PLCL1: variants seen among roughly 807,000 people sequenced by gnomAD.
The protein encoded by PLCL1 is phospholipase C like 1 (inactive).
In PLCL1, 41 loss-of-function variants were observed where a neutral mutation model predicts 84.4. The ratio of observed to expected loss-of-function variants is 0.49; its 90% CI spans 0.38 to 0.63. The LOEUF (loss-of-function observed/expected upper bound fraction) is 0.63, where lower values mean the gene tolerates loss of function less well. Among genes scored for constraint, PLCL1 ranks in the 30% least tolerant of loss-of-function variants. PLCL1 has a pLI of 0.00. For missense variants in PLCL1, 1,206 were observed against 1,367.8 expected (o/e 0.88, Z 1.87); for synonymous variants, 490 against 488.3 (o/e 1.00, Z -0.05).
intron 5 of PLCL1, among the ~76,000 whole-genome samples, chr2:198,130,766 C>CA (rs1419218738): frequency 6.6e-6 from 1 of 152,128 alleles, no homozygotes; most frequent in East Asian, 1.9e-4. Context: ...ACCGTTGGGT[C>CA]AACCTCCTTA....
intron 1 of PLCL1, among the ~76,000 whole-genome samples, chr2:197,979,489 C>G (rs1049117609): frequency 2.0e-5 from 3 of 152,172 alleles, no homozygotes; most frequent in African/African-American, 7.2e-5. Context: ...GGATTTCTGA[C>G]CCTCACCACC....
chr2:197,972,648 G>C (rs767013107), intron 1 of PLCL1, among the ~76,000 whole-genome samples: 1 of 151,842 alleles, frequency 6.6e-6, no homozygotes, highest in Non-Finnish European at 1.5e-5. Context: ...ACATTTTCTG[G>C]GTCCATTTTT....
At chr2:198,018,587 C>T (rs1691056953) in intron 1 of PLCL1, among the ~76,000 whole-genome samples, 1 of 152,158 alleles carries the variant, frequency 6.6e-6, no homozygotes, top group African/African-American at 2.4e-5. Context: ...AGGCAGTTTT[C>T]CCCTCACAGT....
intron 1 of PLCL1, among the ~76,000 whole-genome samples, chr2:197,835,442 C>A (rs1468344034): frequency 6.6e-6 from 1 of 152,124 alleles, no homozygotes; most frequent in East Asian, 1.9e-4. Context: ...CCAAACTGAC[C>A]CTGCCAATTA....
intron 1 of PLCL1, among the ~76,000 whole-genome samples, chr2:197,849,072 A>G (rs763902565): frequency 4.6e-5 from 7 of 152,050 alleles, no homozygotes; most frequent in Non-Finnish European, 1.0e-4. Context: ...TCTGTTCCCA[A>G]GGCTACAGTC....
intron 1 of PLCL1, among the ~76,000 whole-genome samples, chr2:198,029,717 T>A (rs1553512630): frequency 2.2e-5 from 3 of 136,870 alleles, no homozygotes; most frequent in Admixed American, 1.5e-4. Flanking sequence ...TCTCTTCTCT[T>A]TTTTTTTGAG....
chr2:197,864,357 T>G (rs1451219129), intron 1 of PLCL1, among the ~76,000 whole-genome samples: 1 of 152,048 alleles, frequency 6.6e-6, no homozygotes, highest in African/African-American at 2.4e-5. Flanking sequence ...TTCTTTTTTT[T>G]TTTTTTGTTT....
chr2:197,999,514 T>C (rs909690916), intron 1 of PLCL1, among the ~76,000 whole-genome samples: 1 of 152,222 alleles, frequency 6.6e-6, no homozygotes, highest in African/African-American at 2.4e-5. Flanking sequence ...GCTTGTTTAG[T>C]GATATTCATA....
chr2:198,117,120 C>T (rs1693764256), intron 5 of PLCL1, among the ~76,000 whole-genome samples: 2 of 151,776 alleles, frequency 1.3e-5, no homozygotes, highest in South Asian at 2.1e-4. Context: ...GGGAATTTTC[C>T]TTTTCTTGGG....
rs533561237 is a variant in PLCL1, at chr2:198,149,183, A to G, written c.*2221A>G. 6.6e-6 allele frequency: 1 copy of G among 151,036 alleles called. No individual in the cohort carries two copies. The highest frequency in any genetic ancestry group is 6.6e-5 in the Admixed American group (1 of 15,188). 9.4% of individuals were successfully genotyped at this position (151,036 alleles called of 1,614,324 possible). ...CCAGATAGAATAGCAAAAACAAACA[A>G]TTTTTTTTTGTGTATTATGCCTCCA... On this transcript the variant is annotated 3_prime_UTR_variant, in exon 6 of 6. Coordinates refer to ENST00000428675, the MANE Select transcript of PLCL1 (RefSeq NM_006226.4).
chr2:197,834,314 A>C (rs1402142795), intron 1 of PLCL1, among the ~76,000 whole-genome samples: 1 of 152,224 alleles, frequency 6.6e-6, no homozygotes, highest in East Asian at 1.9e-4. Flanking sequence ...GATCTAATTA[A>C]ACTAAAGAGC....
intron 1 of PLCL1, among the ~76,000 whole-genome samples, chr2:197,849,152 G>T (rs1389031341): frequency 6.6e-6 from 1 of 152,156 alleles, no homozygotes; most frequent in Non-Finnish European, 1.5e-5. Context: ...TCCCTGGGTG[G>T]ATGGTAGCAG....
intron 5 of PLCL1, among the ~76,000 whole-genome samples, chr2:198,134,540 C>A (rs1012616143): frequency 3.9e-5 from 6 of 152,148 alleles, no homozygotes; most frequent in Non-Finnish European, 1.5e-5. Flanking sequence ...GAACTCATGC[C>A]AGCATAGAAG....
intron 1 of PLCL1, among the ~76,000 whole-genome samples, chr2:198,040,068 G>A (rs1378478141): frequency 6.6e-6 from 1 of 152,130 alleles, no homozygotes; most frequent in African/African-American, 2.4e-5. Context: ...TCTTAAATAC[G>A]ACTTGATACC....
At chr2:197,907,235 T>C (rs1466925573) in intron 1 of PLCL1, among the ~76,000 whole-genome samples, 1 of 151,456 alleles carries the variant, frequency 6.6e-6, no homozygotes, top group Non-Finnish European at 1.5e-5. Context: ...ATAGTCTTTT[T>C]TCTTTTTCTT....
At chr2:197,868,747 T>A (rs187880927) in intron 1 of PLCL1, among the ~76,000 whole-genome samples, 6 of 151,222 alleles carry the variant, frequency 4.0e-5, no homozygotes, top group African/African-American at 1.5e-4. Context: ...AACTCCTAGA[T>A]TCAAGTGATC....
chr2:198,049,116 A>G (rs1216344960), intron 1 of PLCL1, among the ~76,000 whole-genome samples: 3 of 152,202 alleles, frequency 2.0e-5, no homozygotes, highest in Non-Finnish European at 4.4e-5. Flanking sequence ...ATGCTCAGTG[A>G]CATCTCATAG....
chr2:197,869,093 G>T (rs537256732), intron 1 of PLCL1, among the ~76,000 whole-genome samples: 57 of 152,204 alleles, frequency 3.7e-4, no homozygotes, highest in African/African-American at 1.3e-3. Flanking sequence ...CTTACATCTT[G>T]TCTGTGAGAC....
intron 1 of PLCL1, among the ~76,000 whole-genome samples, chr2:197,914,542 G>T (rs1259177136): frequency 3.3e-5 from 5 of 151,936 alleles, no homozygotes; most frequent in Admixed American, 3.3e-4. Context: ...TGTTGGCCAG[G>T]CTTGTCTCAA....
Sources: gnomAD v4.1 joint callset for allele counts (sites outside exome capture counted in the v4.1 genomes callset) on GRCh38, gnomAD v4.1.1 for gene constraint, MANE v1.5 for transcripts, NCBI Gene and HGNC (gene_info 2026-07-23, HGNC 2026-07-21) for gene names.